Variants in SPTA1 observed in about 807,000 individuals in gnomAD.
The protein encoded by SPTA1 is spectrin alpha chain, erythrocytic 1.
Under a neutral mutation model 324.7 loss-of-function variants are expected in SPTA1, and 177 were observed. The ratio of observed to expected loss-of-function variants is 0.55; its 90% CI spans 0.48 to 0.62. The LOEUF is 0.62. Ranked by LOEUF, SPTA1 falls within the 20% of genes least tolerant of loss-of-function variation. The pLI is 0.00. For missense variants in SPTA1, 3,162 were observed against 2,883.6 expected (o/e 1.10, Z -2.21); for synonymous variants, 1,195 against 1,041.3 (o/e 1.15, Z -2.84).
chr1:158,612,696 A>C, intron 51 of SPTA1, 121 bp downstream of exon 51: 1 of 1,048,798 alleles, frequency 9.5e-7, no homozygotes, highest in Non-Finnish European at 1.5e-6. Flanking sequence ...ATCTTGTGAA[A>C]GGGGAGGTCT....
chr1:158,656,255 T>C (rs1013586973), intron 20 of SPTA1, among the ~76,000 whole-genome samples: 3 of 151,826 alleles, frequency 2.0e-5, no homozygotes, highest in Non-Finnish European at 4.4e-5. Context: ...AGAAGAAAGA[T>C]AAGAAGGAGA....
intron 18 of SPTA1, among the ~76,000 whole-genome samples, chr1:158,659,220 A>G (rs929179152): frequency 2.0e-5 from 3 of 152,138 alleles, no homozygotes; most frequent in Non-Finnish European, 2.9e-5. Flanking sequence ...AAGGGTGAAA[A>G]CAAATGGAAG....
At chr1:158,673,759 G>A (rs1230236126) in intron 10 of SPTA1, among the ~76,000 whole-genome samples, 1 of 152,132 alleles carries the variant, frequency 6.6e-6, no homozygotes, top group Non-Finnish European at 1.5e-5. Flanking sequence ...TTCAAATTAG[G>A]TAGAAGTCAG....
intron 22 of SPTA1, 36 bp downstream of exon 22, chr1:158,653,238 C>T: frequency 2.5e-6 from 4 of 1,613,848 alleles, no homozygotes; most frequent in Non-Finnish European, 3.4e-6. Context: ...AATGTCTGAC[C>T]AAATACTGTT....
At chr1:158,673,444 G>A (rs1324567545) in intron 10 of SPTA1, among the ~76,000 whole-genome samples, 1 of 152,192 alleles carries the variant, frequency 6.6e-6, no homozygotes, top group Non-Finnish European at 1.5e-5. Flanking sequence ...GAAGCCCTAT[G>A]ATGTAGGAGG....
intron 43 of SPTA1, 107 bp downstream of exon 43, chr1:158,622,875 TA>T: frequency 2.0e-6 from 2 of 1,021,246 alleles, no homozygotes; most frequent in Non-Finnish European, 3.1e-6. Flanking sequence ...TTCAATGCAA[TA>T]AAAGGTTTTT....
In SPTA1 at chr1:158,636,016, C is replaced by T; in HGVS notation, c.5329G>A (p.Glu1777Lys). ...ACAGCAGCCTTGTCTTTCAGCTTCT[C>T]TGCCATATCCAGCACATTCTGAAGA... Reference protein sequence around the residue: ...PAIQNVLDMAEKLKDKAAVGQ... With the variant: ...PAIQNVLDMAKKLKDKAAVGQ... Residue 1777 changes from glutamate (E) to lysine (K), a missense_variant, in exon 38 of 52, where the codon GAG becomes AAG. Transcript: ENST00000643759. 6.2e-7 allele frequency: 1 copy of T among 1,614,178 alleles called. No homozygotes were observed. Among genetic ancestry groups the T allele is most frequent in the Non-Finnish European group, 8.5e-7 (1 of 1,180,016 alleles).
chr1:158,673,877 G>C (rs1463606655), intron 10 of SPTA1, among the ~76,000 whole-genome samples: 1 of 152,094 alleles, frequency 6.6e-6, no homozygotes, highest in Non-Finnish European at 1.5e-5. Context: ...CATATCTGTA[G>C]GTTCCACACC....
chr1:158,634,357 T>C (rs1650902573), intron 39 of SPTA1, among the ~76,000 whole-genome samples, 186 bp downstream of exon 39: 1 of 152,230 alleles, frequency 6.6e-6, no homozygotes, highest in Non-Finnish European at 1.5e-5. Context: ...GGTTCCGTAA[T>C]CTTGGGCAAG....
At chr1:158,679,080 A>G (rs1273302087) in intron 5 of SPTA1, among the ~76,000 whole-genome samples, 1 of 152,044 alleles carries the variant, frequency 6.6e-6, no homozygotes, top group Non-Finnish European at 1.5e-5. Flanking sequence ...TGAATACTAG[A>G]TTAAGCTGGA....
chr1:158,631,009 C>T (rs1365940243), intron 39 of SPTA1, among the ~76,000 whole-genome samples: 1 of 152,086 alleles, frequency 6.6e-6, no homozygotes, highest in African/African-American at 2.4e-5. Context: ...AAACGGGACA[C>T]TCTTACACTG....
chr1:158,676,386 A>C, intron 7 of SPTA1, 91 bp from the exon 8 acceptor site: 1 of 1,343,284 alleles, frequency 7.4e-7, no homozygotes, highest in South Asian at 1.2e-5. Context: ...AAATCATATG[A>C]ATAATAATAA....
chr1:158,677,579 A>T, intron 7 of SPTA1, 111 bp downstream of exon 7: 1 of 1,348,180 alleles, frequency 7.4e-7, no homozygotes, highest in Non-Finnish European at 1.0e-6. Context: ...TTTCTTCTTC[A>T]TTGAAAACAG....
At chr1:158,642,597 T>C in intron 32 of SPTA1, 55 bp from the exon 33 acceptor site, 1 of 1,608,054 alleles carries the variant, frequency 6.2e-7, no homozygotes. Flanking sequence ...GGTGACAAGA[T>C]AAGGTAAATT....
Position 158,651,556 on chromosome 1 carries a change from C to T in SPTA1, c.3376-88G>A, listed in dbSNP as rs1040286524. On this transcript the variant is annotated intron_variant, in intron 23 of 51. Transcript: ENST00000643759. ...CAAGAATCTACCATACTTACCTGTC[C>T]ATCTCTGCCCCTACATCACCGTAAT... 9.3e-6 allele frequency: 8 copies of T among 864,764 alleles called. No individual in the cohort carries two copies. In the African/African-American group the frequency reaches 1.3e-4, roughly 14 times the overall value. 53.6% of individuals were successfully genotyped at this position (864,764 alleles called of 1,614,324 possible).
chr1:158,683,405 A>C lies in SPTA1; in HGVS notation c.356T>G (p.Phe119Cys). ...SELEKTREER[F>C]TMGHSAHEET... The stretch of plus-strand genomic sequence containing the variant: ...TTCGTGGGCAGAATGACCCATGGTA[A>C]ATCGTTCTTCCCTTGTTTTTTCCAG... The change falls in exon 3 of 52, where the codon TTT becomes TGT. Residue 119 changes from phenylalanine to cysteine, a missense_variant. Physicochemically the swap from Phe to Cys is radical, Grantham distance 205 (BLOSUM62 -2). Transcript: ENST00000643759. 6.2e-7 allele frequency: 1 copy of C among 1,613,408 alleles called. No homozygotes were observed. The highest frequency in any genetic ancestry group is 1.1e-5 in the South Asian group (1 of 91,072).
Position 158,652,455 on chromosome 1 carries a change from C to G in SPTA1, c.3375+12G>C, listed in dbSNP as rs1412824634. Reference sequence around the variant, plus strand: ...CAATGGCAACCTTCAAGAGAAGGTTCCTCTTTCTCACCTTTTGGAACTCAT... The same window carrying G: ...CAATGGCAACCTTCAAGAGAAGGTTGCTCTTTCTCACCTTTTGGAACTCAT... On this transcript the variant is annotated intron_variant, in intron 23 of 51. Transcript: ENST00000643759. 6.2e-7 allele frequency: 1 copy of G among 1,613,858 alleles called. No homozygotes were observed. The highest frequency in any genetic ancestry group is 1.7e-5 in the Admixed American group (1 of 60,008).
chr1:158,620,516 A>T (rs1207086124), intron 43 of SPTA1, 50 bp from the exon 44 acceptor site: 29 of 1,607,626 alleles, frequency 1.8e-5, no homozygotes, highest in Non-Finnish European at 2.5e-5. Flanking sequence ...AAAGCCTCTC[A>T]GCAGAAGAGA....
intron 4 of SPTA1, among the ~76,000 whole-genome samples, chr1:158,681,184 TGTCAATACTCTCAGCCAGACCCCAGA>T (rs1427062110): frequency 6.6e-6 from 1 of 152,134 alleles, no homozygotes; most frequent in African/African-American, 2.4e-5. Flanking sequence ...GAGAAAGAGC[TGTCAATACTCTCAGCCAGACCCCAGA>T]GTAAGAGCAA....
Sources: gnomAD v4.1 joint callset for allele counts (sites outside exome capture counted in the v4.1 genomes callset) on GRCh38, gnomAD v4.1.1 for gene constraint, MANE v1.5 for transcripts, NCBI Gene and HGNC (gene_info 2026-07-23, HGNC 2026-07-21) for gene names.